Variants in CYP7B1 observed in about 807,000 individuals in gnomAD.
The protein encoded by CYP7B1 is cytochrome P450 family 7 subfamily B member 1.
In CYP7B1, 29 loss-of-function variants were observed where a neutral mutation model predicts 42.7. That is an observed-to-expected ratio of 0.68 (90% confidence interval 0.51 to 0.93). CYP7B1 has a LOEUF of 0.93. Ranked by LOEUF, CYP7B1 falls within the 40% of genes least tolerant of loss-of-function variation. The pLI, the probability that CYP7B1 is intolerant of heterozygous loss-of-function variation, is 0.00. For synonymous variants in CYP7B1, 235 were observed against 218.2 expected (o/e 1.08, Z -0.68); for missense variants, 655 against 600.5 (o/e 1.09, Z -0.95).
chr8:64,731,890 C>A (rs1324948904), intron 1 of CYP7B1, among the ~76,000 whole-genome samples: 1 of 152,214 alleles, frequency 6.6e-6, no homozygotes, highest in Non-Finnish European at 1.5e-5. Context: ...TGGTGGCTTC[C>A]ACGTGGTGTT....
chr8:64,686,062 G>C (rs1806632840), intron 1 of CYP7B1, among the ~76,000 whole-genome samples: 1 of 124,086 alleles, frequency 8.1e-6, no homozygotes, highest in African/African-American at 3.1e-5. Flanking sequence ...GGGGGGGTCA[G>C]CCCCCCCACC....
chr8:64,714,736 A>C (rs1443316779), intron 1 of CYP7B1, among the ~76,000 whole-genome samples: 2 of 152,194 alleles, frequency 1.3e-5, no homozygotes, highest in African/African-American at 2.4e-5. Context: ...TGATGTCCCC[A>C]TCATCTACTC....
chr8:64,753,704 T>A (rs1022820610), intron 1 of CYP7B1, among the ~76,000 whole-genome samples: 1 of 152,100 alleles, frequency 6.6e-6, no homozygotes, highest in Non-Finnish European at 1.5e-5. Context: ...TCAAACCAGA[T>A]AAATCTATAA....
At chr8:64,605,072 A>T (rs1190571355) in intron 4 of CYP7B1, among the ~76,000 whole-genome samples, 1 of 152,200 alleles carries the variant, frequency 6.6e-6, no homozygotes, top group African/African-American at 2.4e-5. Context: ...GGGGCATTTC[A>T]CAGGTAGAAG....
At chr8:64,659,925 G>A (rs1806177017) in intron 1 of CYP7B1, among the ~76,000 whole-genome samples, 1 of 152,092 alleles carries the variant, frequency 6.6e-6, no homozygotes, top group Admixed American at 6.5e-5. Context: ...TGAGTGTATG[G>A]GATATACCAA....
intron 1 of CYP7B1, among the ~76,000 whole-genome samples, chr8:64,651,977 T>C (rs1354974136): frequency 1.3e-5 from 2 of 152,226 alleles, no homozygotes; most frequent in African/African-American, 4.8e-5. Context: ...ATAAAATCTT[T>C]AGAAACATTC....
intron 1 of CYP7B1, among the ~76,000 whole-genome samples, chr8:64,756,765 A>T (rs1807814439): frequency 6.6e-6 from 1 of 152,218 alleles, no homozygotes. Context: ...GACTCAGAGA[A>T]GTTGACACTA....
chr8:64,779,416 C>A (rs1310768385), intron 1 of CYP7B1, among the ~76,000 whole-genome samples: 2 of 151,858 alleles, frequency 1.3e-5, no homozygotes, highest in Non-Finnish European at 2.9e-5. Flanking sequence ...TATTACAAGT[C>A]AAAATCAATT....
chr8:64,791,627 C>G (rs1399734763), intron 1 of CYP7B1, among the ~76,000 whole-genome samples: 1 of 152,176 alleles, frequency 6.6e-6, no homozygotes, highest in East Asian at 1.9e-4. Flanking sequence ...GGATACAGCC[C>G]TTGCTCATGC....
intron 1 of CYP7B1, 123 bp downstream of exon 1, chr8:64,798,343 C>T (rs1804739717): frequency 1.1e-5 from 15 of 1,340,586 alleles, no homozygotes; most frequent in Non-Finnish European, 1.4e-5. Flanking sequence ...GAAGCCAGTA[C>T]CCCGCAGCAA....
chr8:64,683,725 C>T (rs1275252068), intron 1 of CYP7B1, among the ~76,000 whole-genome samples: 3 of 152,258 alleles, frequency 2.0e-5, no homozygotes, highest in Non-Finnish European at 4.4e-5. Context: ...TAAATATATA[C>T]ACCTACTATG....
intron 1 of CYP7B1, among the ~76,000 whole-genome samples, chr8:64,675,056 T>C (rs2129631795): frequency 1.3e-5 from 2 of 152,262 alleles, no homozygotes; most frequent in Middle Eastern, 6.8e-3. Flanking sequence ...TTTTCTTACG[T>C]TTCTTTACAT....
rs1337149599 is a variant in CYP7B1 at position 64,593,137 on chromosome 8, T to G, written c.*3505A>C. On this transcript the variant is annotated 3_prime_UTR_variant, in exon 6 of 6. Transcript: ENST00000310193. Reference sequence around the variant, plus strand: ...TGTACCACTAAGTTGAATTTAAAGCTATGGAACTTCCACTTTAGGCAACAT... The same window carrying G: ...TGTACCACTAAGTTGAATTTAAAGCGATGGAACTTCCACTTTAGGCAACAT... Among the ~76,000 whole-genome samples, 4 of 152,144 alleles carry G rather than the reference T, an allele frequency of 2.6e-5. No homozygotes were observed. Among genetic ancestry groups the G allele is most frequent in the Non-Finnish European group, 4.4e-5 (3 of 68,050 alleles).
chr8:64,718,470 C>A lies in CYP7B1; in HGVS notation c.122+79996G>T, dbSNP rs989097601. On this transcript the variant is annotated intron_variant, in intron 1 of 5. Transcript: ENST00000310193. ...CTCTCTCCAAAGGCAAGGAATCCAGCACCCAAGGGGACATGCTGCCCTAGC... is the reference window on the plus strand; with the variant it reads ...CTCTCTCCAAAGGCAAGGAATCCAGAACCCAAGGGGACATGCTGCCCTAGC... Among the ~76,000 whole-genome samples the A allele has an allele frequency of 1.1e-4, 17 of 152,346 alleles. No homozygotes were observed. In the East Asian group the frequency reaches 2.9e-3, roughly 26 times the overall value.
chr8:64,652,570 C>T (rs924307698), intron 1 of CYP7B1, among the ~76,000 whole-genome samples: 2 of 152,284 alleles, frequency 1.3e-5, no homozygotes, highest in East Asian at 1.9e-4. Context: ...TGTGGCCAGG[C>T]GCAGTGGCTC....
intron 1 of CYP7B1, among the ~76,000 whole-genome samples, chr8:64,638,887 C>T (rs1407187587): frequency 3.3e-5 from 5 of 151,512 alleles, no homozygotes; most frequent in Non-Finnish European, 5.9e-5. Flanking sequence ...TAAATTGGGA[C>T]CTAGAAAAAG....
At chr8:64,672,118 T>C (rs977740397) in intron 1 of CYP7B1, among the ~76,000 whole-genome samples, 1 of 152,158 alleles carries the variant, frequency 6.6e-6, no homozygotes, top group Non-Finnish European at 1.5e-5. Context: ...ATAAATTATT[T>C]TGAATAAATA....
intron 1 of CYP7B1, among the ~76,000 whole-genome samples, chr8:64,673,667 C>T (rs1462257259): frequency 6.6e-6 from 1 of 152,062 alleles, no homozygotes; most frequent in African/African-American, 2.4e-5. Context: ...ATTGTTTGTT[C>T]TTTCCTGCTC....
chr8:64,610,912 T>C (rs1055484945), intron 4 of CYP7B1, among the ~76,000 whole-genome samples: 2 of 152,154 alleles, frequency 1.3e-5, no homozygotes, highest in African/African-American at 4.8e-5. Flanking sequence ...TTTCTGAACC[T>C]CATTATTCAA....
Sources: allele counts gnomAD v4.1 joint callset (sites outside exome capture counted in the v4.1 genomes callset), GRCh38; gene constraint gnomAD v4.1.1; transcripts MANE v1.5; gene names NCBI Gene and HGNC (gene_info 2026-07-23, HGNC 2026-07-21).